Variants in ARHGAP15 observed in about 807,000 individuals in gnomAD.
ARHGAP15 encodes the protein Rho GTPase activating protein 15, also known as rho GTPase-activating protein 15.
ARHGAP15 carries 51 observed loss-of-function variants against 63.7 expected under a neutral mutation model. The ratio of observed to expected loss-of-function variants is 0.80; its 90% confidence interval spans 0.64 to 1.01. The LOEUF (loss-of-function observed/expected upper bound fraction) is 1.01, where lower values mean the gene tolerates loss of function less well. Ranked by LOEUF, ARHGAP15 falls within the 50% of genes least tolerant of loss-of-function variation. ARHGAP15 has a pLI of 0.00. For synonymous variants in ARHGAP15, 191 were observed against 193.8 expected, an observed-to-expected ratio of 0.99 and a Z score of 0.12; for missense variants, 560 against 564.6, an observed-to-expected ratio of 0.99 and a Z score of 0.08.
At chr2:143,644,052 C>A (rs1367116476) in intron 12 of ARHGAP15, among the ~76,000 whole-genome samples, 1 of 151,916 alleles carries the variant, frequency 6.6e-6, no homozygotes, top group African/African-American at 2.4e-5. Context: ...ACCTCTATAA[C>A]AAAAGAAAGA....
intron 1 of ARHGAP15, among the ~76,000 whole-genome samples, chr2:143,154,520 G>A (rs1039261637): frequency 1.3e-5 from 2 of 151,894 alleles, no homozygotes; most frequent in African/African-American, 4.8e-5. Context: ...CTCGGAGCCC[G>A]CTATAGGATG....
intron 10 of ARHGAP15, among the ~76,000 whole-genome samples, chr2:143,538,680 G>A (rs62173067): frequency 0.14 from 21,837 of 152,086 alleles, 1,982 homozygotes; most frequent in Admixed American, 0.23. Flanking sequence ...GCTGGATTAC[G>A]TTTATTGATT....
At chr2:143,639,200 GT>G (rs1227423592) in intron 12 of ARHGAP15, among the ~76,000 whole-genome samples, 1 of 152,116 alleles carries the variant, frequency 6.6e-6, no homozygotes, top group South Asian at 2.1e-4. Flanking sequence ...ACTTTATGTT[GT>G]TAAAAACTAC....
intron 6 of ARHGAP15, among the ~76,000 whole-genome samples, chr2:143,381,449 G>A (rs972171001): frequency 1.5e-5 from 2 of 135,664 alleles, no homozygotes; most frequent in Non-Finnish European, 3.3e-5. Context: ...TACTTGTGTG[G>A]CAAAAGATTG....
intron 10 of ARHGAP15, among the ~76,000 whole-genome samples, chr2:143,551,242 C>G (rs1260432125): frequency 6.6e-6 from 1 of 152,200 alleles, no homozygotes; most frequent in African/African-American, 2.4e-5. Context: ...GCCTCAACTT[C>G]CTGGGCTCAA....
intron 13 of ARHGAP15, 45 bp from the exon 14 acceptor site, chr2:143,767,944 A>G (rs2072975688): frequency 6.4e-7 from 1 of 1,574,574 alleles, no homozygotes; most frequent in African/African-American, 1.4e-5. Context: ...CCATAACTTC[A>G]CTTCAAACTC....
rs11904040 is a variant in ARHGAP15, at chr2:143,263,219, C to T, written c.474+12619C>T. On this transcript the variant is annotated intron_variant, in intron 6 of 13. Transcript: ENST00000295095. ...TCTTAAGATCACGTGCCTGGTGTTT[C>T]ATTTCCCTCATTTCCTTGATTTCAG... Among the ~76,000 whole-genome samples, 1,486 of 152,272 alleles carry T rather than the reference C, an allele frequency of 9.8e-3. 23 individuals are homozygous for T. The highest frequency in any genetic ancestry group is 0.033 in the African/African-American group (1,368 of 41,544).
At chr2:143,351,876 G>A (rs1187760946) in intron 6 of ARHGAP15, among the ~76,000 whole-genome samples, 1 of 152,088 alleles carries the variant, frequency 6.6e-6, no homozygotes, top group Non-Finnish European at 1.5e-5. Context: ...TTTACTCCAG[G>A]AAGTAACATA....
At chr2:143,674,302 G>A (rs1342118353) in intron 12 of ARHGAP15, among the ~76,000 whole-genome samples, 1 of 152,060 alleles carries the variant, frequency 6.6e-6, no homozygotes, top group Non-Finnish European at 1.5e-5. Flanking sequence ...CAAAAATAAG[G>A]AACTGCCTCT....
chr2:143,757,979 TAAAG>T (rs1686636830), intron 13 of ARHGAP15, among the ~76,000 whole-genome samples: 1 of 152,052 alleles, frequency 6.6e-6, no homozygotes, highest in South Asian at 2.1e-4. Context: ...TCTTAAGACA[TAAAG>T]AAACTTAGAA....
At chr2:143,593,231 C>G (rs1167702199) in intron 11 of ARHGAP15, 1 of 152,118 alleles carries the variant, frequency 6.6e-6, no homozygotes. Flanking sequence ...GTGTTCAAAC[C>G]CAAATGCTTG....
chr2:143,581,282 C>T (rs140400111), intron 11 of ARHGAP15, among the ~76,000 whole-genome samples: 2 of 152,130 alleles, frequency 1.3e-5, no homozygotes, highest in East Asian at 1.9e-4. Flanking sequence ...GAGAACTGGG[C>T]TCATTGTGGC....
intron 12 of ARHGAP15, among the ~76,000 whole-genome samples, chr2:143,701,195 C>G (rs1684074063): frequency 6.6e-6 from 1 of 152,156 alleles, no homozygotes; most frequent in Non-Finnish European, 1.5e-5. Flanking sequence ...CCCACTTTAG[C>G]CAAATACCAT....
At chr2:143,138,435 T>G (rs556722240) in intron 1 of ARHGAP15, among the ~76,000 whole-genome samples, 1 of 152,238 alleles carries the variant, frequency 6.6e-6, no homozygotes, top group South Asian at 2.1e-4. Context: ...TGAACTTTAT[T>G]CATGAGGCCC....
At chr2:143,293,478 T>C (rs528369033) in intron 6 of ARHGAP15, among the ~76,000 whole-genome samples, 1 of 152,238 alleles carries the variant, frequency 6.6e-6, no homozygotes, top group Non-Finnish European at 1.5e-5. Context: ...ATTTATATTC[T>C]TGTCTTGAGA....
intron 11 of ARHGAP15, among the ~76,000 whole-genome samples, chr2:143,619,544 A>G (rs1698577491): frequency 6.6e-6 from 1 of 152,332 alleles, no homozygotes; most frequent in Middle Eastern, 3.4e-3. Context: ...ATTGTGAGAC[A>G]TCGTGATTCA....
chr2:143,212,180 G>C (rs1187139071), intron 3 of ARHGAP15, among the ~76,000 whole-genome samples: 1 of 152,146 alleles, frequency 6.6e-6, no homozygotes, highest in Non-Finnish European at 1.5e-5. Flanking sequence ...TAACACACTA[G>C]TCTTTCTGCC....
At chr2:143,347,762 A>G in intron 6 of ARHGAP15, among the ~76,000 whole-genome samples, 1 of 150,974 alleles carries the variant, frequency 6.6e-6, no homozygotes, top group East Asian at 2.0e-4. Flanking sequence ...TATAACTTTT[A>G]GGCTTTGGGA....
intron 9 of ARHGAP15, among the ~76,000 whole-genome samples, chr2:143,501,632 C>T (rs114348624): frequency 0.012 from 1,897 of 152,260 alleles, 31 homozygotes; most frequent in African/African-American, 0.042. Flanking sequence ...TGCATGCATG[C>T]CTTTTTAGTC....
Sources: gnomAD v4.1 joint callset for allele counts (sites outside exome capture counted in the v4.1 genomes callset) on GRCh38, gnomAD v4.1.1 for gene constraint, MANE v1.5 for transcripts, NCBI Gene and HGNC (gene_info 2026-07-23, HGNC 2026-07-21) for gene names.